The following CDH11 variants were observed in gnomAD, a reference collection of about 807,000 sequenced individuals.
The protein encoded by CDH11 is cadherin 11.
In CDH11, 11 loss-of-function variants were observed where a neutral mutation model predicts 67.8. That is an observed-to-expected ratio of 0.16 (90% confidence interval 0.10 to 0.27). The LOEUF is 0.27. Ranked by LOEUF, CDH11 falls within the 10% of genes least tolerant of loss-of-function variation. CDH11 has a pLI of 1.00. For missense variants in CDH11, 847 were observed against 1,031.2 expected (o/e 0.82, Z 2.45); for synonymous variants, 419 against 400.0 (o/e 1.05, Z -0.57).
chr16:65,113,258 C>T (rs2075190023), intron 1 of CDH11, among the ~76,000 whole-genome samples: 1 of 150,946 alleles, frequency 6.6e-6, no homozygotes, highest in African/African-American at 2.4e-5. Flanking sequence ...TGCACTCCAG[C>T]CTGGGCAACA....
intron 2 of CDH11, among the ~76,000 whole-genome samples, chr16:65,039,851 G>A (rs1206954973): frequency 3.3e-5 from 5 of 152,088 alleles, no homozygotes; most frequent in Admixed American, 2.0e-4. Flanking sequence ...AATGAACTCA[G>A]ACAGATTTAC....
chr16:64,994,261 G>C (rs550355232), intron 4 of CDH11, among the ~76,000 whole-genome samples: 1 of 152,248 alleles, frequency 6.6e-6, no homozygotes, highest in African/African-American at 2.4e-5. Context: ...AGGCAGGATA[G>C]ATTTATAAAG....
intron 2 of CDH11, among the ~76,000 whole-genome samples, chr16:65,014,965 C>T (rs1393448814): frequency 1.3e-5 from 2 of 151,290 alleles, no homozygotes; most frequent in Non-Finnish European, 2.9e-5. Context: ...AAGTGATTCT[C>T]CTGCCTCAGC....
chr16:65,000,436 T>G (rs368772547), intron 3 of CDH11, among the ~76,000 whole-genome samples: 41 of 152,224 alleles, frequency 2.7e-4, no homozygotes, highest in African/African-American at 9.6e-4. Context: ...GAAAAAGACC[T>G]TGGTTCTACC....
chr16:64,953,898 A>G (rs1290494190), intron 11 of CDH11, among the ~76,000 whole-genome samples: 4 of 152,216 alleles, frequency 2.6e-5, no homozygotes, highest in Non-Finnish European at 5.9e-5. Flanking sequence ...TGCTTGGTTT[A>G]CACATTTGGT....
At chr16:65,117,882 G>A (rs2075268482) in intron 1 of CDH11, among the ~76,000 whole-genome samples, 1 of 152,094 alleles carries the variant, frequency 6.6e-6, no homozygotes, top group Admixed American at 6.5e-5. Flanking sequence ...TTATCCTGCA[G>A]CCCAGCCCCC....
chr16:64,974,021 C>T (rs2072088581), intron 8 of CDH11, among the ~76,000 whole-genome samples: 1 of 152,040 alleles, frequency 6.6e-6, no homozygotes, highest in Admixed American at 6.6e-5. Flanking sequence ...TACTCCCACC[C>T]ACTAAGTTAA....
At chr16:65,063,989 G>A (rs2074272116) in intron 1 of CDH11, among the ~76,000 whole-genome samples, 1 of 152,168 alleles carries the variant, frequency 6.6e-6, no homozygotes, top group South Asian at 2.1e-4. Flanking sequence ...ATGTGTTGGG[G>A]ATTTCATGGG....
At chr16:64,992,206 AAAGAC>A (rs2072645484) in intron 5 of CDH11, among the ~76,000 whole-genome samples, 1 of 152,164 alleles carries the variant, frequency 6.6e-6, no homozygotes, top group Non-Finnish European at 1.5e-5. Context: ...TAAACACCCT[AAAGAC>A]TGAAATACTT....
At chr16:65,014,565 G>A (rs1256249569) in intron 2 of CDH11, among the ~76,000 whole-genome samples, 1 of 152,162 alleles carries the variant, frequency 6.6e-6, no homozygotes, top group Non-Finnish European at 1.5e-5. Context: ...CACAGGCATA[G>A]GGGATTCTTA....
intron 2 of CDH11, among the ~76,000 whole-genome samples, chr16:65,023,880 T>C (rs534723737): frequency 1.6e-3 from 250 of 152,338 alleles, no homozygotes; most frequent in African/African-American, 5.7e-3. Context: ...TATCCCTTCA[T>C]CAGCAGGGTC....
chr16:64,980,858 T>C (rs752208804), intron 8 of CDH11, among the ~76,000 whole-genome samples: 5 of 151,752 alleles, frequency 3.3e-5, no homozygotes, highest in African/African-American at 7.3e-5. Flanking sequence ...TATAAAGAAA[T>C]CCAAGCAAGA....
chr16:65,123,488 C>G (rs1426315576), upstream of CDH11, among the ~76,000 whole-genome samples: 1 of 151,972 alleles, frequency 6.6e-6, no homozygotes, highest in African/African-American at 2.4e-5. Context: ...GAAGAGAAAG[C>G]TTGGGATCCT....
intron 1 of CDH11, among the ~76,000 whole-genome samples, chr16:65,099,445 G>A (rs2074953836): frequency 6.6e-6 from 1 of 151,926 alleles, no homozygotes; most frequent in Admixed American, 6.6e-5. Flanking sequence ...ATAGCAAATG[G>A]CCTCAGAGAT....
At chr16:64,950,606 C>CA (rs1374228401) in intron 12 of CDH11, among the ~76,000 whole-genome samples, 161 bp downstream of exon 12, 4 of 151,606 alleles carry the variant, frequency 2.6e-5, no homozygotes, top group African/African-American at 4.9e-5. Context: ...ACCTCGCCCC[C>CA]ACAACGCCCA....
rs2071154726 is a variant in CDH11 at position 64,944,108 on chromosome 16, T to C, written c.*3495A>G. ...AGAGGTTCGCAGGGCCCTGTTCATG[T>C]AAAGCAATAAAATAAAGGCATCAGA... On this transcript the variant is annotated 3_prime_UTR_variant, in exon 13 of 13. Coordinates refer to ENST00000268603, the MANE Select transcript of CDH11 (RefSeq NM_001797.4). 4.3e-6 allele frequency: 1 copy of C among 232,700 alleles called. No individual in the cohort carries two copies. The highest frequency in any genetic ancestry group is 2.2e-5 in the African/African-American group (1 of 45,322). The allele number at this position is 232,700 out of a possible 1,614,324, so 14.4% of individuals were successfully genotyped here. A position where few individuals can be genotyped will look rare whatever the true frequency, so the allele number is the denominator to read the frequency against.
intron 1 of CDH11, among the ~76,000 whole-genome samples, chr16:65,101,813 T>G (rs1490144805): frequency 6.6e-6 from 1 of 152,252 alleles, no homozygotes. Context: ...TCCATAAGAA[T>G]AGATACTGTG....
chr16:65,067,535 T>C (rs575902911), intron 1 of CDH11, among the ~76,000 whole-genome samples: 2 of 152,238 alleles, frequency 1.3e-5, no homozygotes, highest in South Asian at 2.1e-4. Flanking sequence ...TTGTGCTCAT[T>C]GATTTATTGT....
At chr16:64,979,672 G>C (rs904166669) in intron 8 of CDH11, among the ~76,000 whole-genome samples, 11 of 152,168 alleles carry the variant, frequency 7.2e-5, no homozygotes, top group African/African-American at 2.7e-4. Flanking sequence ...CAGCTCCTCA[G>C]AAAGTTAAAC....
Sources: gnomAD v4.1 joint callset for allele counts (sites outside exome capture counted in the v4.1 genomes callset) on GRCh38, gnomAD v4.1.1 for gene constraint, MANE v1.5 for transcripts, NCBI Gene and HGNC (gene_info 2026-07-23, HGNC 2026-07-21) for gene names.